Variants in PCM1 observed in about 807,000 individuals in gnomAD.
PCM1 encodes pericentriolar material 1 protein.
In PCM1, 157 loss-of-function variants were observed where a neutral mutation model predicts 241.9. That is an observed-to-expected ratio of 0.65 (90% CI 0.57 to 0.74). The LOEUF is 0.74. PCM1 is among the 30% of genes least tolerant of loss of function. The pLI is 0.00. For missense variants in PCM1, 3,478 were observed against 2,360.1 expected (o/e 1.47, Z -9.81); for synonymous variants, 1,085 against 784.9 (o/e 1.38, Z -6.39).
At chr8:17,986,119 A>T (rs1271544539) in intron 26 of PCM1, 32 bp downstream of exon 26, 2 of 1,417,750 alleles carry the variant, frequency 1.4e-6, no homozygotes, top group East Asian at 2.5e-5. Flanking sequence ...AATTGTAGAT[A>T]TAATTTTAGT....
At chr8:17,940,843 A>G (rs2061795114) in intron 6 of PCM1, among the ~76,000 whole-genome samples, 1 of 152,202 alleles carries the variant, frequency 6.6e-6, no homozygotes, top group Admixed American at 6.5e-5. Context: ...GGCATTTTAA[A>G]CAGGCGTGCC....
intron 1 of PCM1, among the ~76,000 whole-genome samples, chr8:17,923,696 G>A (rs1343723083): frequency 6.6e-6 from 1 of 152,186 alleles, no homozygotes; most frequent in African/African-American, 2.4e-5. Flanking sequence ...AAGAGTTGCA[G>A]TTGGGCTGTG....
At chr8:18,022,865 G>T (rs918775640) in intron 36 of PCM1, among the ~76,000 whole-genome samples, 14 of 152,162 alleles carry the variant, frequency 9.2e-5, no homozygotes, top group African/African-American at 3.1e-4. Context: ...AGAGGCAAAT[G>T]GAATACCCCT....
chr8:18,025,198 T>C (rs983586663), intron 36 of PCM1, 163 bp from the exon 37 acceptor site: 2 of 223,656 alleles, frequency 8.9e-6, no homozygotes, highest in Non-Finnish European at 1.5e-5. Flanking sequence ...CAGCTGTGAT[T>C]GTAGCTTTTC....
chr8:17,965,825 T>A (rs879508985), intron 18 of PCM1, among the ~76,000 whole-genome samples, 174 bp from the exon 19 acceptor site: 5 of 152,250 alleles, frequency 3.3e-5, no homozygotes, highest in Non-Finnish European at 7.3e-5. Context: ...AACTAATAAT[T>A]GTACAAAGCT....
rs983838124 is a variant in PCM1 at position 18,027,945 on chromosome 8, T to TTAAA, written c.*288_*291dup. 2 of 338,288 alleles carry TTAAA rather than the reference T, an allele frequency of 5.9e-6. No homozygotes were observed. Among genetic ancestry groups the TTAAA allele is most frequent in the African/African-American group, 2.1e-5 (1 of 47,614 alleles). The allele number at this position is 338,288 out of a possible 1,614,324, so 21.0% of individuals were successfully genotyped here. A position where few individuals can be genotyped will look rare whatever the true frequency, so the allele number is the denominator to read the frequency against. Reference sequence around the variant, plus strand: ...TTGGTAACGAATTTAAAATGTAGTTTTAAATAAAGTTTGGACTTATCTATA... The same window carrying TTAAA: ...TTGGTAACGAATTTAAAATGTAGTTTTAAATAAATAAAGTTTGGACTTATCTATA... On this transcript the variant is annotated 3_prime_UTR_variant, in exon 39 of 39. Coordinates refer to ENST00000325083, the MANE Select transcript of PCM1 (RefSeq NM_006197.4).
At position 18,027,659 on chromosome 8, in the gene PCM1, A is replaced by C. The variant is rs2094333992; in HGVS notation, c.6072A>C (p.Ile2024=). ...CAGAAACGGTGGGAGCCCAGAGTAT[A>C]TGAGATGTCTTCAGAGGCTCATCTA... ...KEPETVGAQS[I] The change falls in exon 39 of 39, where the codon ATA becomes ATC. Residue 2024 remains isoleucine, a synonymous_variant. Coordinates refer to ENST00000325083, the MANE Select transcript of PCM1 (RefSeq NM_006197.4). The C allele has an allele frequency of 6.3e-7, 1 of 1,589,766 alleles. No individual in the cohort carries two copies. Among genetic ancestry groups the C allele is most frequent in the African/African-American group, 1.3e-5 (1 of 74,688 alleles).
At chr8:17,929,038 C>A (rs539115374) in intron 2 of PCM1, among the ~76,000 whole-genome samples, 21 of 152,228 alleles carry the variant, frequency 1.4e-4, no homozygotes, top group African/African-American at 3.6e-4. Flanking sequence ...TAGGCTGATT[C>A]CTTAAAAATA....
chr8:17,938,467 G>T (rs2061081724), intron 4 of PCM1, among the ~76,000 whole-genome samples: 1 of 152,092 alleles, frequency 6.6e-6, no homozygotes, highest in Admixed American at 6.5e-5. Flanking sequence ...TTTGGATAAG[G>T]GGTACTCAAG....
rs1564208730 is a variant in PCM1 at position 17,989,985 on chromosome 8, C to T, written c.4531+6C>T. The T allele has an allele frequency of 3.3e-6, 5 of 1,519,668 alleles. No individual in the cohort carries two copies. The highest frequency in any genetic ancestry group is 4.4e-6 in the Non-Finnish European group (5 of 1,133,396). The allele number at this position is 1,519,668 out of a possible 1,614,324, so 94.1% of individuals were successfully genotyped here. A position where few individuals can be genotyped will look rare whatever the true frequency, so the allele number is the denominator to read the frequency against. On this transcript the variant is annotated splice_donor_region_variant and intron_variant, in intron 27 of 38. Transcript: ENST00000325083. ...TTTTGCAACAGATGATCTAGGTAAGCAGAATTGTTTATAATCTTAGAAACA... is the reference window on the plus strand; with the variant it reads ...TTTTGCAACAGATGATCTAGGTAAGTAGAATTGTTTATAATCTTAGAAACA...
chr8:18,014,916 C>T (rs1288429719), intron 36 of PCM1, 76 bp downstream of exon 36: 4 of 1,288,132 alleles, frequency 3.1e-6, no homozygotes, highest in Non-Finnish European at 4.2e-6. Flanking sequence ...GATTAGCATT[C>T]TCCACATGTA....
intron 9 of PCM1, 60 bp from the exon 10 acceptor site, chr8:17,955,410 T>C: frequency 8.6e-7 from 1 of 1,157,562 alleles, no homozygotes; most frequent in Non-Finnish European, 1.2e-6. Flanking sequence ...GCCAACTGTA[T>C]GTGTTTGTTT....
At chr8:17,973,184 T>A (rs1388229389) in intron 23 of PCM1, among the ~76,000 whole-genome samples, 1 of 152,210 alleles carries the variant, frequency 6.6e-6, no homozygotes, top group African/African-American at 2.4e-5. Flanking sequence ...AGTCTTGCCA[T>A]TGAATGTCAT....
At chr8:17,958,575 GTA>G (rs542628344) in intron 13 of PCM1, among the ~76,000 whole-genome samples, 1 of 147,266 alleles carries the variant, frequency 6.8e-6, no homozygotes. Context: ...AAGGTGTTGT[GTA>G]TATATATATA....
At chr8:17,936,960 G>A (rs1184707418) in intron 3 of PCM1, among the ~76,000 whole-genome samples, 174 bp from the exon 4 acceptor site, 1 of 152,196 alleles carries the variant, frequency 6.6e-6, no homozygotes, top group Non-Finnish European at 1.5e-5. Flanking sequence ...TAAGGTAGAT[G>A]TAATGAGGGG....
Position 17,972,682 on chromosome 8 carries a change from A to G in PCM1, c.3938A>G (p.Asn1313Ser), listed in dbSNP as rs745718832. 1 of 1,523,864 alleles carries G rather than the reference A, an allele frequency of 6.6e-7. No homozygotes were observed. The highest frequency in any genetic ancestry group is 1.3e-5 in the South Asian group (1 of 77,426). The allele number at this position is 1,523,864 out of a possible 1,614,324, so 94.4% of individuals were successfully genotyped here. A position where few individuals can be genotyped will look rare whatever the true frequency, so the allele number is the denominator to read the frequency against. Residue 1313 changes from asparagine (N) to serine (S), a missense_variant, in exon 23 of 39, where the codon AAC (asparagine) becomes AGC (serine). Transcript: ENST00000325083. ...ACTCAGCTGAAAAGCAGAGTTAAAA[A>G]CATCAGTAAGTGTTGAAATTTGTTG... is the stretch of plus-strand genomic sequence containing the variant. Reference protein sequence around the residue: ...NSTQLKSRVKNIRYESASMSS... With the variant: ...NSTQLKSRVKSIRYESASMSS...
At position 18,025,595 on chromosome 8, in the gene PCM1, G is replaced by C. The variant is rs200443998; in HGVS notation, c.5986G>C (p.Gly1996Arg). The C allele has an allele frequency of 1.5e-5, 23 of 1,586,102 alleles. No homozygotes were observed. In the South Asian group the frequency reaches 1.9e-4, roughly 13 times the overall value. ...VEEEQKNHLS[G>R]EICEMQTEEL... ...AGAAGAACAGAAAAACCATTTATCT[G>C]GTGAAATATGTGAAATGCAGACCGA... Residue 1996 changes from glycine to arginine, a missense_variant, in exon 38 of 39, where the codon GGT becomes CGT. Transcript: ENST00000325083.
At chr8:17,961,084 T>A (rs535523306) in intron 15 of PCM1, among the ~76,000 whole-genome samples, 1 of 152,122 alleles carries the variant, frequency 6.6e-6, no homozygotes, top group Non-Finnish European at 1.5e-5. Flanking sequence ...TGAAATAATA[T>A]AATAAAATCT....
chr8:18,010,587 G>A (rs1328204090), intron 31 of PCM1, 22 bp from the exon 32 acceptor site: 2 of 1,558,456 alleles, frequency 1.3e-6, no homozygotes, highest in Admixed American at 1.8e-5. Flanking sequence ...GCTAAATTCT[G>A]TGTAATTGAT....
Sources: gnomAD v4.1 joint callset for allele counts (sites outside exome capture counted in the v4.1 genomes callset) on GRCh38, gnomAD v4.1.1 for gene constraint, MANE v1.5 for transcripts, NCBI Gene and HGNC (gene_info 2026-07-23, HGNC 2026-07-21) for gene names.